The following IFNGR2 variants were observed in gnomAD, a reference collection of about 807,000 sequenced individuals.
IFNGR2 encodes interferon gamma receptor 2.
IFNGR2 carries 15 observed loss-of-function variants against 41.1 expected under a neutral mutation model. The ratio of observed to expected loss-of-function variants is 0.37; its 90% CI spans 0.24 to 0.56. The LOEUF (loss-of-function observed/expected upper bound fraction) is 0.56. Ranked by LOEUF, IFNGR2 falls within the 20% of genes least tolerant of loss-of-function variation. IFNGR2 has a pLI of 0.81. For missense variants in IFNGR2, 362 were observed against 415.7 expected (o/e 0.87, Z 1.12); for synonymous variants, 161 against 171.6 (o/e 0.94, Z 0.48).
intron 3 of IFNGR2, among the ~76,000 whole-genome samples, chr21:33,421,901 C>T (rs1025459104): frequency 6.6e-6 from 1 of 152,178 alleles, no homozygotes; most frequent in African/African-American, 2.4e-5. Flanking sequence ...CAGGCCAAAT[C>T]GGGCCCACCA....
At chr21:33,430,087 C>A (rs763824388) in intron 4 of IFNGR2, among the ~76,000 whole-genome samples, 1 of 152,072 alleles carries the variant, frequency 6.6e-6, no homozygotes, top group African/African-American at 2.4e-5. Context: ...TGCAGTGAGT[C>A]GAGATCACAC....
At chr21:33,409,344 C>T (rs2083700370) in intron 1 of IFNGR2, among the ~76,000 whole-genome samples, 1 of 152,022 alleles carries the variant, frequency 6.6e-6, no homozygotes, top group Non-Finnish European at 1.5e-5. Context: ...TAGCAGGTGC[C>T]TGTAATCCCA....
At chr21:33,415,041 G>A (rs1252038248) in intron 2 of IFNGR2, 21 bp downstream of exon 2, 1 of 1,613,800 alleles carries the variant, frequency 6.2e-7, no homozygotes, top group Non-Finnish European at 8.5e-7. Context: ...ATTTCTGTTG[G>A]ATCCTTGCTG....
At chr21:33,413,403 C>T (rs1417392035) in intron 1 of IFNGR2, among the ~76,000 whole-genome samples, 5 of 152,140 alleles carry the variant, frequency 3.3e-5, no homozygotes, top group African/African-American at 7.2e-5. Flanking sequence ...AACAAATGGC[C>T]GCAGACTTGG....
At chr21:33,425,281 C>T (rs1244029976) in intron 3 of IFNGR2, among the ~76,000 whole-genome samples, 2 of 152,148 alleles carry the variant, frequency 1.3e-5, no homozygotes, top group Admixed American at 1.3e-4. Flanking sequence ...GGCCATTTAC[C>T]TGGAGACTCC....
Position 33,432,579 on chromosome 21 carries a change from G to A in IFNGR2, c.722-135G>A. 4.0e-6 allele frequency: 4 copies of A among 1,002,434 alleles called. No individual in the cohort carries two copies. In the Admixed American group the frequency reaches 5.2e-5, roughly 13 times the overall value. 62.1% of individuals were successfully genotyped at this position (1,002,434 alleles called of 1,614,324 possible). A position where few individuals can be genotyped will look rare whatever the true frequency, so the allele number is the denominator to read the frequency against. ...AGCTATTAATGTAAGCATACCAGGT[G>A]AGGGTGGGGGGTAGAGGGACTTGCC... is the stretch of plus-strand genomic sequence containing the variant. On this transcript the variant is annotated intron_variant, in intron 5 of 6. Transcript: ENST00000290219.
intron 1 of IFNGR2, among the ~76,000 whole-genome samples, chr21:33,406,080 A>G (rs2083675436): frequency 6.6e-6 from 1 of 151,504 alleles, no homozygotes; most frequent in African/African-American, 2.4e-5. Flanking sequence ...GATCCTTTGA[A>G]AAGTAGTAGC....
At chr21:33,415,396 A>G (rs1456397100) in intron 2 of IFNGR2, among the ~76,000 whole-genome samples, 2 of 152,228 alleles carry the variant, frequency 1.3e-5, no homozygotes, top group African/African-American at 4.8e-5. Flanking sequence ...TTATAGACCA[A>G]ATATGGCCTG....
chr21:33,415,034 T>G lies in IFNGR2; in HGVS notation c.206+14T>G. 1 of 1,613,884 alleles carries G rather than the reference T, an allele frequency of 6.2e-7. No homozygotes were observed. The highest frequency in any genetic ancestry group is 8.5e-7 in the Non-Finnish European group (1 of 1,179,960). ...GCAGTTTAAATAGTAAGCCGGTATTTCTGTTGGATCCTTGCTGGGAGCTGT... is the reference window on the plus strand; with the variant it reads ...GCAGTTTAAATAGTAAGCCGGTATTGCTGTTGGATCCTTGCTGGGAGCTGT... On this transcript the variant is annotated intron_variant, in intron 2 of 6. Transcript: ENST00000290219.
At chr21:33,436,470 C>A (rs1182229263) in intron 6 of IFNGR2, among the ~76,000 whole-genome samples, 1 of 152,164 alleles carries the variant, frequency 6.6e-6, no homozygotes, top group African/African-American at 2.4e-5. Flanking sequence ...CGCCTATAAT[C>A]CCAGCACTTT....
chr21:33,423,883 A>G (rs1002629891), intron 3 of IFNGR2, among the ~76,000 whole-genome samples: 1 of 151,192 alleles, frequency 6.6e-6, no homozygotes, highest in Non-Finnish European at 1.5e-5. Context: ...GGACAGAAAC[A>G]GAGAAGACAG....
intron 1 of IFNGR2, 96 bp downstream of exon 1, chr21:33,403,712 CG>C (rs1405269001): frequency 1.2e-6 from 1 of 809,800 alleles, no homozygotes; most frequent in African/African-American, 1.8e-5. Context: ...GGGAATCTGC[CG>C]GGTGCTCAGA....
chr21:33,414,297 G>A (rs986879313), intron 1 of IFNGR2, among the ~76,000 whole-genome samples: 1 of 152,174 alleles, frequency 6.6e-6, no homozygotes, highest in Non-Finnish European at 1.5e-5. Context: ...AGAAGTCGGC[G>A]TTCCTTGCCC....
chr21:33,416,821 C>CAA (rs11356057), intron 2 of IFNGR2, among the ~76,000 whole-genome samples: 1 of 114,078 alleles, frequency 8.8e-6, no homozygotes, highest in Non-Finnish European at 1.9e-5. Flanking sequence ...GACTCCATCT[C>CAA]AAAAAAAAAA....
chr21:33,429,109 G>A (rs2083864107), intron 4 of IFNGR2, among the ~76,000 whole-genome samples: 3 of 152,160 alleles, frequency 2.0e-5, no homozygotes, highest in Non-Finnish European at 2.9e-5. Flanking sequence ...TGAAACAACT[G>A]AGCTATAAGC....
At chr21:33,431,216 T>C (rs149968434) in intron 4 of IFNGR2, among the ~76,000 whole-genome samples, 79 of 152,318 alleles carry the variant, frequency 5.2e-4, no homozygotes, top group African/African-American at 1.9e-3. Flanking sequence ...AAAGGAACAT[T>C]ATTTCCCAGA....
chr21:33,424,901 C>T (rs542849279), intron 3 of IFNGR2, among the ~76,000 whole-genome samples: 1 of 151,908 alleles, frequency 6.6e-6, no homozygotes, highest in African/African-American at 2.4e-5. Context: ...CCACCACACC[C>T]CAGTTAATTT....
chr21:33,418,795 GA>G (rs929605013), intron 2 of IFNGR2, among the ~76,000 whole-genome samples: 2 of 151,318 alleles, frequency 1.3e-5, no homozygotes, highest in African/African-American at 4.9e-5. Context: ...TTTTCACTTA[GA>G]AAAAAATAAT....
intron 3 of IFNGR2, 96 bp downstream of exon 3, chr21:33,421,781 A>G (rs2123349489): frequency 2.1e-6 from 2 of 964,600 alleles, no homozygotes; most frequent in Non-Finnish European, 1.7e-6. Flanking sequence ...CTGTCACCCT[A>G]AATGACCAGC....
Sources: gnomAD v4.1 joint callset for allele counts (sites outside exome capture counted in the v4.1 genomes callset) on GRCh38, gnomAD v4.1.1 for gene constraint, MANE v1.5 for transcripts, NCBI Gene and HGNC (gene_info 2026-07-23, HGNC 2026-07-21) for gene names.